The following CFAP20DC variants were observed in gnomAD, a reference collection of about 807,000 sequenced individuals.
CFAP20DC encodes the protein CFAP20 domain containing.
Under a neutral mutation model 101.7 loss-of-function variants are expected in CFAP20DC, and 84 were observed. The observed-to-expected ratio is 0.83, with a 90% confidence interval of 0.69 to 0.99. CFAP20DC has a LOEUF of 0.99. CFAP20DC is among the 50% of genes least tolerant of loss of function. The probability of loss-of-function intolerance (pLI) is 0.00; values close to 1 mark genes in which losing one functional copy is unlikely to be tolerated. For synonymous variants in CFAP20DC, 359 were observed against 351.2 expected, an observed-to-expected ratio of 1.02 and a Z score of -0.25; for missense variants, 1,007 against 970.3, an observed-to-expected ratio of 1.04 and a Z score of -0.50.
rs760179458 is a variant in CFAP20DC, at chr3:58,912,572, CATCTT to C, written c.550+1131_550+1135del. On this transcript the variant is annotated intron_variant, in intron 6 of 16. Coordinates refer to ENST00000482387, the MANE Select transcript of CFAP20DC (RefSeq NM_001394063.1). The surrounding 1 kb of genome is among the most constrained non-coding windows in gnomAD (Gnocchi z 4.4). Reference sequence around the variant, plus strand: ...GAAACTTCTAAGTAATCACCTTTGACATCTTATATGCAGCCCTGCTTCCTGGACTT... The same window carrying C: ...GAAACTTCTAAGTAATCACCTTTGACATATGCAGCCCTGCTTCCTGGACTT... 5.6e-6 allele frequency: 2 copies of C among 356,630 alleles called. No homozygotes were observed. The highest frequency in any genetic ancestry group is 1.1e-5 in the Non-Finnish European group (2 of 182,878). The allele number at this position is 356,630 out of a possible 1,614,324, so 22.1% of individuals were successfully genotyped here.
At chr3:58,723,425 C>T (rs2067499846) in intron 3 of CFAP20DC, among the ~76,000 whole-genome samples, 1 of 152,168 alleles carries the variant, frequency 6.6e-6, no homozygotes, top group Non-Finnish European at 1.5e-5. Flanking sequence ...ACTAGTTGCG[C>T]AACAGTAAGA....
chr3:58,805,238 C>CATATGTGG (rs1051101604), intron 15 of CFAP20DC, among the ~76,000 whole-genome samples: 10 of 152,126 alleles, frequency 6.6e-5, no homozygotes, highest in Non-Finnish European at 1.3e-4. Context: ...GTCAAATGGC[C>CATATGTGG]ATATGTGGAC....
chr3:58,992,397 T>TG, intron 4 of CFAP20DC: 1 of 178,746 alleles, frequency 5.6e-6, no homozygotes, highest in Non-Finnish European at 1.1e-5. Flanking sequence ...CAAAGGCACA[T>TG]GGGGAGTGAG....
At position 59,001,933 on chromosome 3, in the gene CFAP20DC, CAG is replaced by C. The variant is rs2093323149; in HGVS notation, c.278+37622_278+37623del. On this transcript the variant is annotated intron_variant, in intron 4 of 16. Transcript: ENST00000482387. The surrounding 1 kb of genome is among the most constrained non-coding windows in gnomAD (Gnocchi z 4.5). ...ATGTGGTAAAGAAGAGATTCCAAAA[CAG>C]AGACATTCTAAATTGAAAAAGTGAA... Among the ~76,000 whole-genome samples the C allele has an allele frequency of 6.6e-6, 1 of 152,154 alleles. No individual in the cohort carries two copies. Among genetic ancestry groups the C allele is most frequent in the Middle Eastern group, 3.2e-3 (1 of 316 alleles).
At position 58,836,523 on chromosome 3, in the gene CFAP20DC, G is replaced by A. The variant is rs55730469; in HGVS notation, c.1972-4634C>T. Among the ~76,000 whole-genome samples, 686 of 152,214 alleles carry A rather than the reference G, an allele frequency of 4.5e-3. 5 individuals are homozygous for A. The highest frequency in any genetic ancestry group is 0.016 in the African/African-American group (649 of 41,544). On this transcript the variant is annotated intron_variant, in intron 13 of 16. Transcript: ENST00000482387. Reference sequence around the variant, plus strand: ...ACAGTGGAGGTGTGGAGAAAAATGAGACATGGCCATGGGATAAGATCAGAC... The same window carrying A: ...ACAGTGGAGGTGTGGAGAAAAATGAAACATGGCCATGGGATAAGATCAGAC...
intron 15 of CFAP20DC, among the ~76,000 whole-genome samples, chr3:58,772,845 T>A (rs865907874): frequency 2.6e-5 from 4 of 152,150 alleles, no homozygotes; most frequent in Non-Finnish European, 5.9e-5. Flanking sequence ...ATAGAAAAAA[T>A]ATATGCATAA....
chr3:58,975,524 CTT>C (rs1173005151), intron 4 of CFAP20DC, among the ~76,000 whole-genome samples: 1 of 152,102 alleles, frequency 6.6e-6, no homozygotes, highest in African/African-American at 2.4e-5. Context: ...TGCACTTACT[CTT>C]TATTTTTCTA....
At position 58,864,629 on chromosome 3, in the gene CFAP20DC, AT is replaced by A. The variant is rs745796008; in HGVS notation, c.1259-738del. Among the ~76,000 whole-genome samples, 4 of 152,220 alleles carry A rather than the reference AT, an allele frequency of 2.6e-5. No homozygotes were observed. Among genetic ancestry groups the A allele is most frequent in the East Asian group, 1.9e-4 (1 of 5,200 alleles). ...GTACTTAACCAGCTTCTTTAAAAAA[AT>A]ATCTGGTCTTAATTCAGATTACAAA... On this transcript the variant is annotated intron_variant, in intron 11 of 16. Transcript: ENST00000482387. The surrounding 1 kb of genome is among the most constrained non-coding windows in gnomAD (Gnocchi z 4.7).
At chr3:58,921,609 G>A (rs1235400338) in intron 5 of CFAP20DC, among the ~76,000 whole-genome samples, 3 of 152,078 alleles carry the variant, frequency 2.0e-5, no homozygotes, top group Non-Finnish European at 4.4e-5. Flanking sequence ...TCCTATGTAT[G>A]ATTTCAATCT....
At chr3:59,049,585 C>T in intron 1 of CFAP20DC, 26 bp downstream of exon 1, 1 of 1,534,748 alleles carries the variant, frequency 6.5e-7, no homozygotes. Context: ...AAGGTATAGA[C>T]AGGTTGGAGA....
At chr3:58,866,784 T>C (rs2079731672) in intron 10 of CFAP20DC, 96 bp from the exon 11 acceptor site, 4 of 810,152 alleles carry the variant, frequency 4.9e-6, no homozygotes, top group African/African-American at 1.8e-5. Flanking sequence ...CTTTACTATT[T>C]GATCATTTAA....
At chr3:58,774,630 G>T (rs2071155128) in intron 15 of CFAP20DC, among the ~76,000 whole-genome samples, 1 of 152,180 alleles carries the variant, frequency 6.6e-6, no homozygotes, top group East Asian at 1.9e-4. Context: ...ATCAGGAAAA[G>T]ACACGCCAGG....
intron 5 of CFAP20DC, among the ~76,000 whole-genome samples, chr3:58,921,610 A>T (rs967987348): frequency 6.6e-6 from 1 of 152,172 alleles, no homozygotes; most frequent in Non-Finnish European, 1.5e-5. Flanking sequence ...CCTATGTATG[A>T]TTTCAATCTT....
chr3:58,760,747 G>A (rs1434978964), intron 15 of CFAP20DC, among the ~76,000 whole-genome samples: 3 of 152,128 alleles, frequency 2.0e-5, no homozygotes, highest in African/African-American at 7.2e-5. Context: ...AGCATGAAGG[G>A]TTGTTGAATT....
At chr3:58,814,146 C>T (rs2074917167) in intron 14 of CFAP20DC, among the ~76,000 whole-genome samples, 1 of 151,856 alleles carries the variant, frequency 6.6e-6, no homozygotes, top group African/African-American at 2.4e-5. Flanking sequence ...ACTCTCTAAG[C>T]ATCACAGACC....
At chr3:58,833,281 T>G (rs1356804507) in intron 13 of CFAP20DC, among the ~76,000 whole-genome samples, 2 of 152,186 alleles carry the variant, frequency 1.3e-5, no homozygotes, top group Admixed American at 6.5e-5. Context: ...CTTGGCACTG[T>G]GAGAGGCCAG....
At chr3:58,785,002 C>T (rs927669819) in intron 15 of CFAP20DC, among the ~76,000 whole-genome samples, 1 of 152,046 alleles carries the variant, frequency 6.6e-6, no homozygotes, top group Non-Finnish European at 1.5e-5. Context: ...CGGCACTATT[C>T]ACAATAGCAA....
intron 12 of CFAP20DC, 66 bp from the exon 13 acceptor site, chr3:58,849,475 C>T: frequency 1.7e-6 from 2 of 1,172,662 alleles, no homozygotes; most frequent in Non-Finnish European, 2.3e-6. Context: ...TTACTGAGTA[C>T]AAGTTCTTAA....
chr3:58,723,926 G>T (rs549783390), intron 3 of CFAP20DC, among the ~76,000 whole-genome samples: 90 of 152,320 alleles, frequency 5.9e-4, no homozygotes, highest in Non-Finnish European at 1.1e-3. Flanking sequence ...CGTGAATTCT[G>T]ACAGAAGAGG....
Sources: gnomAD v4.1 joint callset for allele counts (sites outside exome capture counted in the v4.1 genomes callset) on GRCh38, gnomAD v4.1.1 for gene constraint, Gnocchi (gnomAD v3.1) non-coding constraint, MANE v1.5 for transcripts, NCBI Gene and HGNC (gene_info 2026-07-23, HGNC 2026-07-21) for gene names.